Variants in ERBB4 observed in about 807,000 individuals in gnomAD.
ERBB4 encodes receptor tyrosine-protein kinase erbB-4.
Under a neutral mutation model 158.0 loss-of-function variants are expected in ERBB4, and 42 were observed. That is an observed-to-expected ratio of 0.27 (90% confidence interval 0.21 to 0.34). ERBB4 has a LOEUF of 0.34. Among genes scored for constraint, ERBB4 ranks in the 10% least tolerant of loss-of-function variants. ERBB4 has a pLI of 1.00. For synonymous variants in ERBB4, 583 were observed against 558.7 expected (o/e 1.04, Z -0.61); for missense variants, 1,333 against 1,624.1 (o/e 0.82, Z 3.08).
intron 3 of ERBB4, among the ~76,000 whole-genome samples, chr2:211,869,472 G>A (rs1390450073): frequency 6.6e-6 from 1 of 152,090 alleles, no homozygotes; most frequent in East Asian, 1.9e-4. Flanking sequence ...AGTTGATATA[G>A]CATTTTATCA....
At chr2:211,836,906 A>G (rs1035207157) in intron 3 of ERBB4, among the ~76,000 whole-genome samples, 1 of 152,038 alleles carries the variant, frequency 6.6e-6, no homozygotes, top group African/African-American at 2.4e-5. Flanking sequence ...CAAAGGCACA[A>G]TGGGAGCCAA....
intron 1 of ERBB4, among the ~76,000 whole-genome samples, chr2:212,409,956 A>C (rs1430093583): frequency 5.4e-5 from 8 of 147,738 alleles, no homozygotes; most frequent in Non-Finnish European, 7.6e-5. Flanking sequence ...TTATTAACAT[A>C]AACTCTGAAA....
intron 20 of ERBB4, among the ~76,000 whole-genome samples, chr2:211,447,102 C>T (rs774611812): frequency 1.3e-5 from 2 of 152,098 alleles, no homozygotes; most frequent in Non-Finnish European, 2.9e-5. Context: ...GTTTCTTTTG[C>T]TGTCAAAGTG....
intron 20 of ERBB4, among the ~76,000 whole-genome samples, chr2:211,498,958 A>C (rs995643622): frequency 2.0e-5 from 3 of 152,234 alleles, no homozygotes; most frequent in Admixed American, 2.0e-4. Context: ...ACAGAAGGGA[A>C]TTGCCCAACA....
chr2:211,443,659 A>C (rs1406624516), intron 20 of ERBB4, among the ~76,000 whole-genome samples: 3 of 152,064 alleles, frequency 2.0e-5, no homozygotes, highest in African/African-American at 7.2e-5. Flanking sequence ...GCAGGAATGA[A>C]GAGTGATTTC....
intron 3 of ERBB4, among the ~76,000 whole-genome samples, chr2:211,838,135 C>T (rs990033407): frequency 1.3e-5 from 2 of 152,062 alleles, no homozygotes; most frequent in Non-Finnish European, 1.5e-5. Flanking sequence ...GTGTCACCCT[C>T]ACTTGTGTTC....
At chr2:211,843,249 T>G (rs1381434249) in intron 3 of ERBB4, among the ~76,000 whole-genome samples, 2 of 152,206 alleles carry the variant, frequency 1.3e-5, no homozygotes, top group Admixed American at 6.5e-5. Context: ...AAATTGTAGA[T>G]GTATCCTTAA....
At position 211,395,208 on chromosome 2, in the gene ERBB4, A is replaced by G. The variant is rs113736638; in HGVS notation, c.3136-7216T>C. Among the ~76,000 whole-genome samples the G allele has an allele frequency of 8.3e-3, 1,267 of 152,214 alleles. 17 individuals are homozygous for G. The highest frequency in any genetic ancestry group is 0.029 in the African/African-American group (1,210 of 41,562). On this transcript the variant is annotated intron_variant, in intron 25 of 27. Coordinates refer to ENST00000342788, the MANE Select transcript of ERBB4 (RefSeq NM_005235.3). ...TCAAAGTATCACTTAGGCTACATGC[A>G]GTATATGATTGTATGTTTTGATGAG...
intron 3 of ERBB4, among the ~76,000 whole-genome samples, chr2:211,847,908 T>C (rs767732240): frequency 3.3e-5 from 5 of 152,116 alleles, no homozygotes; most frequent in Admixed American, 6.6e-5. Context: ...CTTTGATATA[T>C]GTGGTTATAG....
At chr2:212,417,543 C>CA (rs2091685854) in intron 1 of ERBB4, among the ~76,000 whole-genome samples, 1 of 151,832 alleles carries the variant, frequency 6.6e-6, no homozygotes, top group African/African-American at 2.4e-5. Flanking sequence ...TCATTTTTAC[C>CA]AAAAAATCCC....
chr2:212,069,767 G>A (rs1185820848), intron 2 of ERBB4, among the ~76,000 whole-genome samples: 1 of 151,856 alleles, frequency 6.6e-6, no homozygotes, highest in East Asian at 1.9e-4. Flanking sequence ...CTTTATACAA[G>A]CAATGAAATT....
intron 5 of ERBB4, among the ~76,000 whole-genome samples, chr2:211,729,274 A>T (rs2074361622): frequency 6.6e-6 from 1 of 151,770 alleles, no homozygotes; most frequent in African/African-American, 2.4e-5. Flanking sequence ...TTTTTATTTA[A>T]CATGTTAAAA....
At chr2:212,203,327 C>A (rs959176821) in intron 1 of ERBB4, among the ~76,000 whole-genome samples, 4 of 151,888 alleles carry the variant, frequency 2.6e-5, no homozygotes, top group African/African-American at 9.7e-5. Flanking sequence ...GAGAGAAGAG[C>A]AAAAGAAGTT....
chr2:212,391,079 A>G (rs529913433), intron 1 of ERBB4, among the ~76,000 whole-genome samples: 1 of 151,794 alleles, frequency 6.6e-6, no homozygotes, highest in Non-Finnish European at 1.5e-5. Context: ...ATAAATGACC[A>G]CCATCCATGA....
chr2:212,191,847 TTA>T (rs1303885042), intron 1 of ERBB4, among the ~76,000 whole-genome samples: 4 of 136,838 alleles, frequency 2.9e-5, no homozygotes, highest in Admixed American at 2.4e-4. Context: ...ATAATACATG[TTA>T]TATATGTTCT....
rs79579393 is a variant in ERBB4 at position 211,498,917 on chromosome 2, C to T, written c.2487+62986G>A. ...TGCACCTGCTGACAAGGTATAACTG[C>T]TGATGCTTCCCTCAGGGACACAGAT... On this transcript the variant is annotated intron_variant, in intron 20 of 27. Transcript: ENST00000342788. 5.1e-3 allele frequency among the ~76,000 whole-genome samples: 778 copies of T among 152,234 alleles called. 2 individuals are homozygous for T. The highest frequency in any genetic ancestry group is 8.7e-3 in the Non-Finnish European group (592 of 68,020).
intron 1 of ERBB4, among the ~76,000 whole-genome samples, chr2:212,159,614 C>A (rs113000411): frequency 6.6e-6 from 1 of 151,784 alleles, no homozygotes; most frequent in African/African-American, 2.4e-5. Flanking sequence ...AGGCTAGTTG[C>A]AATTACATAA....
chr2:211,857,440 A>G (rs2106057612), intron 3 of ERBB4, among the ~76,000 whole-genome samples: 1 of 152,292 alleles, frequency 6.6e-6, no homozygotes, highest in Admixed American at 6.5e-5. Context: ...TGGAAGAGCA[A>G]CTGAACTATA....
chr2:212,217,671 G>A (rs1348572213), intron 1 of ERBB4, among the ~76,000 whole-genome samples: 1 of 151,174 alleles, frequency 6.6e-6, no homozygotes, highest in African/African-American at 2.4e-5. Flanking sequence ...ACATTCAGAG[G>A]TAATTTAAAC....
Sources: allele counts gnomAD v4.1 joint callset (sites outside exome capture counted in the v4.1 genomes callset), GRCh38; gene constraint gnomAD v4.1.1; transcripts MANE v1.5; gene names NCBI Gene and HGNC (gene_info 2026-07-23, HGNC 2026-07-21).